ZC3H7B: variants seen among roughly 807,000 people sequenced by gnomAD.
ZC3H7B encodes zinc finger CCCH-type containing 7B.
In ZC3H7B, 35 loss-of-function variants were observed where a neutral mutation model predicts 116.0. The observed-to-expected ratio is 0.30, with a 90% CI of 0.23 to 0.40. The LOEUF (loss-of-function observed/expected upper bound fraction) is 0.40, where lower values mean the gene tolerates loss of function less well. Ranked by LOEUF, ZC3H7B falls within the 10% of genes least tolerant of loss-of-function variation. The pLI is 1.00. For missense variants in ZC3H7B, 1,011 were observed against 1,321.5 expected, an observed-to-expected ratio of 0.77 and a Z score of 3.64; for synonymous variants, 502 against 545.6, an observed-to-expected ratio of 0.92 and a Z score of 1.11.
At chr22:41,318,397 C>G (rs1225514580) in intron 1 of ZC3H7B, among the ~76,000 whole-genome samples, 1 of 152,034 alleles carries the variant, frequency 6.6e-6, no homozygotes, top group East Asian at 1.9e-4. Flanking sequence ...GGTGTGGTGG[C>G]AGGCGCCTGT....
chr22:41,340,939 G>C (rs1275964876), intron 10 of ZC3H7B, 149 bp from the exon 11 acceptor site: 2 of 655,472 alleles, frequency 3.1e-6, no homozygotes, highest in East Asian at 3.2e-5. Context: ...GTGGAGAGGA[G>C]AGGATAGAGT....
chr22:41,302,826 C>A lies in ZC3H7B; in HGVS notation c.-7+1054C>A, dbSNP rs1437928379. ...GGAAGACTAGGGGGCTAGGGCCCTGCGTGGGGAGTCTGGGGGCTCTAAAAG... is the reference window on the plus strand; with the variant it reads ...GGAAGACTAGGGGGCTAGGGCCCTGAGTGGGGAGTCTGGGGGCTCTAAAAG... On this transcript the variant is annotated intron_variant, in intron 1 of 22. Coordinates refer to ENST00000352645, the MANE Select transcript of ZC3H7B (RefSeq NM_017590.6). The surrounding 1 kb of genome is among the most constrained non-coding windows in gnomAD (Gnocchi z 5.7). Among the ~76,000 whole-genome samples, 2 of 148,700 alleles carry A rather than the reference C, an allele frequency of 1.3e-5. No individual in the cohort carries two copies. The highest frequency in any genetic ancestry group is 3.0e-5 in the Non-Finnish European group (2 of 67,012).
At chr22:41,324,894 C>G (rs375210290) in intron 2 of ZC3H7B, among the ~76,000 whole-genome samples, 1 of 152,166 alleles carries the variant, frequency 6.6e-6, no homozygotes, top group East Asian at 1.9e-4. Context: ...CTGCCTTTTC[C>G]TGCCTGCTCC....
chr22:41,320,289 C>G (rs1253435253), intron 1 of ZC3H7B, among the ~76,000 whole-genome samples: 1 of 149,926 alleles, frequency 6.7e-6, no homozygotes, highest in Non-Finnish European at 1.5e-5. Flanking sequence ...GCCGAGATGG[C>G]GCCATTGCAC....
intron 1 of ZC3H7B, among the ~76,000 whole-genome samples, chr22:41,307,074 A>G (rs1261509691): frequency 6.6e-6 from 1 of 151,512 alleles, no homozygotes; most frequent in Non-Finnish European, 1.5e-5. Flanking sequence ...CCCGGGTTCA[A>G]GCAATTCTCC....
chr22:41,304,095 C>G (rs183703716), intron 1 of ZC3H7B, among the ~76,000 whole-genome samples: 89 of 151,624 alleles, frequency 5.9e-4, no homozygotes, highest in Admixed American at 5.4e-3. Context: ...ACTCTGTCAC[C>G]CAGGCTGGAG....
intron 11 of ZC3H7B, 50 bp downstream of exon 11, chr22:41,341,196 G>T: frequency 6.2e-7 from 1 of 1,608,694 alleles, no homozygotes. Context: ...GCTGGGGGTT[G>T]TGGGTTCTAG....
intron 1 of ZC3H7B, among the ~76,000 whole-genome samples, chr22:41,318,849 TCA>T (rs2036216535): frequency 6.6e-6 from 1 of 152,172 alleles, no homozygotes; most frequent in Non-Finnish European, 1.5e-5. Flanking sequence ...TTGCACATTC[TCA>T]GATACACCAA....
At chr22:41,306,093 G>C (rs1206173647) in intron 1 of ZC3H7B, among the ~76,000 whole-genome samples, 3 of 152,146 alleles carry the variant, frequency 2.0e-5, no homozygotes, top group Non-Finnish European at 4.4e-5. Flanking sequence ...CAGGTCACCT[G>C]GTACAGCCAC....
chr22:41,311,117 C>T lies in ZC3H7B; in HGVS notation c.-7+9345C>T, dbSNP rs558400782. On this transcript the variant is annotated intron_variant, in intron 1 of 22. Transcript: ENST00000352645. ...CTGCATTCATTCGCGTGTATATGTG[C>T]ATGTGTGCACATCGGTTTTGAGTGG... Among the ~76,000 whole-genome samples the T allele has an allele frequency of 8.8e-5, 13 of 146,984 alleles. No homozygotes were observed. The South Asian group carries it at 2.8e-3, about 31-fold the overall frequency.
chr22:41,323,297 A>G (rs1444462898), intron 2 of ZC3H7B, among the ~76,000 whole-genome samples: 1 of 151,906 alleles, frequency 6.6e-6, no homozygotes, highest in Non-Finnish European at 1.5e-5. Context: ...CATTTTGGGG[A>G]GTGAGGGTTT....
chr22:41,311,373 G>T (rs2036116954), intron 1 of ZC3H7B, among the ~76,000 whole-genome samples: 1 of 152,046 alleles, frequency 6.6e-6, no homozygotes, highest in African/African-American at 2.4e-5. Context: ...AATGGAAGAG[G>T]AGTAGGATTA....
intron 1 of ZC3H7B, among the ~76,000 whole-genome samples, chr22:41,314,651 C>A (rs2036158172): frequency 6.7e-6 from 1 of 150,004 alleles, no homozygotes; most frequent in Non-Finnish European, 1.5e-5. Context: ...GCTTTGTCAC[C>A]CAGGCTGGAG....
At chr22:41,306,742 G>A (rs1465114890) in intron 1 of ZC3H7B, among the ~76,000 whole-genome samples, 1 of 152,120 alleles carries the variant, frequency 6.6e-6, no homozygotes, top group Non-Finnish European at 1.5e-5. Context: ...AAGAAACTGT[G>A]GCATAGAGAG....
chr22:41,323,397 G>A (rs934843523), intron 2 of ZC3H7B, among the ~76,000 whole-genome samples: 1 of 152,210 alleles, frequency 6.6e-6, no homozygotes, highest in African/African-American at 2.4e-5. Flanking sequence ...GAAGAGTTCT[G>A]TGTCCCCAGC....
intron 17 of ZC3H7B, among the ~76,000 whole-genome samples, chr22:41,354,396 C>A (rs184455586): frequency 1.8e-3 from 270 of 152,320 alleles, no homozygotes; most frequent in Non-Finnish European, 3.2e-3. Context: ...GAGCAGCCCA[C>A]GAGTTGTCCA....
At chr22:41,341,260 G>A (rs576001475) in intron 11 of ZC3H7B, 114 bp downstream of exon 11, 117 of 1,277,940 alleles carry the variant, frequency 9.2e-5, no homozygotes, top group Non-Finnish European at 1.2e-4. Context: ...CCCACGGCGG[G>A]GCACTCCCAG....
At chr22:41,307,884 C>G (rs1004139052) in intron 1 of ZC3H7B, among the ~76,000 whole-genome samples, 1 of 152,196 alleles carries the variant, frequency 6.6e-6, no homozygotes, top group African/African-American at 2.4e-5. Flanking sequence ...ATGCAGGAGA[C>G]AGTCTTCAGG....
At chr22:41,342,440 G>A in intron 11 of ZC3H7B, 89 bp from the exon 12 acceptor site, 1 of 1,263,826 alleles carries the variant, frequency 7.9e-7, no homozygotes, top group Non-Finnish European at 1.1e-6. Context: ...GGGGGTCATA[G>A]AGCACTCCCC....
Sources: gnomAD v4.1 joint callset for allele counts (sites outside exome capture counted in the v4.1 genomes callset) on GRCh38, gnomAD v4.1.1 for gene constraint, Gnocchi (gnomAD v3.1) non-coding constraint, MANE v1.5 for transcripts, NCBI Gene and HGNC (gene_info 2026-07-23, HGNC 2026-07-21) for gene names.